The following NKIRAS2 variants were observed in gnomAD, a reference collection of about 807,000 sequenced individuals.
NKIRAS2 encodes the protein NF-kappa-B inhibitor-interacting Ras-like protein 2.
NKIRAS2 carries 15 observed loss-of-function variants against 20.7 expected under a neutral mutation model. That is an observed-to-expected ratio of 0.73 (90% confidence interval 0.49 to 1.12). The LOEUF is 1.12. Among genes scored for constraint, NKIRAS2 ranks in the 50% most tolerant of loss-of-function variants. The pLI, the probability that NKIRAS2 is intolerant of heterozygous loss-of-function variation, is 0.00. For missense variants in NKIRAS2, 196 were observed against 249.6 expected (o/e 0.79, Z 1.45); for synonymous variants, 116 against 101.4 (o/e 1.14, Z -0.87).
At chr17:42,017,774 G>T (rs2052347606), upstream of NKIRAS2, 1 of 351,954 alleles carries the variant, frequency 2.8e-6, no homozygotes, top group South Asian at 2.8e-5. Context: ...AAGGCTCCGT[G>T]GAGTCTGGGT....
chr17:42,021,453 T>C (rs2052447343), intron 1 of NKIRAS2, 111 bp from the exon 2 acceptor site: 1 of 817,198 alleles, frequency 1.2e-6, no homozygotes. Flanking sequence ...ACGTTCTGCC[T>C]TCTGTTTTTT....
rs1231529246 is a variant in NKIRAS2, at chr17:42,024,550, A to G, written c.*657A>G. On this transcript the variant is annotated 3_prime_UTR_variant, in exon 4 of 4. Coordinates refer to ENST00000393885, the MANE Select transcript of NKIRAS2 (RefSeq NM_017595.6). ...CACTTTGGGAGGCCAAGGCGGGTCG[A>G]TTACTTGAGGTCAGGAGTTCACGAC... The G allele has an allele frequency of 6.6e-6, 1 of 152,510 alleles. No homozygotes were observed. The highest frequency in any genetic ancestry group is 2.4e-5 in the African/African-American group (1 of 41,384). The allele number at this position is 152,510 out of a possible 1,614,324, so 9.4% of individuals were successfully genotyped here. A position where few individuals can be genotyped will look rare whatever the true frequency, so the allele number is the denominator to read the frequency against.
At chr17:42,019,233 A>G (rs2052385489), upstream of NKIRAS2, among the ~76,000 whole-genome samples, 1 of 152,178 alleles carries the variant, frequency 6.6e-6, no homozygotes, top group Non-Finnish European at 1.5e-5. Flanking sequence ...TGATCACACC[A>G]ATGTACTCCA....
intron 1 of NKIRAS2, chr17:42,020,935 C>T (rs1177498259): frequency 6.5e-6 from 1 of 152,816 alleles, no homozygotes; most frequent in Non-Finnish European, 1.5e-5. Context: ...TGAGGTTTCA[C>T]TATGTTGGCC....
intron 3 of NKIRAS2, chr17:42,023,246 GC>G (rs1344057803): frequency 1.8e-5 from 4 of 228,566 alleles, no homozygotes; most frequent in African/African-American, 9.3e-5. Flanking sequence ...CAGTCCACCT[GC>G]CTCAGCCTCC....
rs914638622 is a variant in NKIRAS2 at position 42,024,194 on chromosome 17, C to G, written c.*301C>G. ...CCTTCCAGCTGCCCCAGACAGGAAG[C>G]AGAGTCACCACGCAGCAGTGTCCCT... On this transcript the variant is annotated 3_prime_UTR_variant, in exon 4 of 4. Transcript: ENST00000393885. 2.3e-5 allele frequency: 9 copies of G among 393,260 alleles called. No individual in the cohort carries two copies. In the East Asian group the frequency reaches 5.2e-4, roughly 23 times the overall value. The allele number at this position is 393,260 out of a possible 1,614,324, so 24.4% of individuals were successfully genotyped here.
rs1555653697 is a variant in NKIRAS2, at chr17:42,023,940, G to T, written c.*47G>T. On this transcript the variant is annotated 3_prime_UTR_variant, in exon 4 of 4. Transcript: ENST00000393885. Reference sequence around the variant, plus strand: ...CGATCCCAGCCCCATTTCAGTGTCTGGGGCTCTGGTAGATGTGTTGAGGGC... The same window carrying T: ...CGATCCCAGCCCCATTTCAGTGTCTTGGGCTCTGGTAGATGTGTTGAGGGC... The T allele has an allele frequency of 6.2e-7, 1 of 1,600,256 alleles. No homozygotes were observed. Among genetic ancestry groups the T allele is most frequent in the Non-Finnish European group, 8.5e-7 (1 of 1,172,598 alleles).
At chr17:42,018,554 T>C (rs575390393), upstream of NKIRAS2, 2 of 152,106 alleles carry the variant, frequency 1.3e-5, no homozygotes, top group South Asian at 4.2e-4. Context: ...GCTCACTAGG[T>C]TGGAAAGGAG....
chr17:42,018,780 T>C (rs1317042328), upstream of NKIRAS2, among the ~76,000 whole-genome samples: 2 of 152,212 alleles, frequency 1.3e-5, no homozygotes, highest in Non-Finnish European at 2.9e-5. Context: ...TTGATGACTC[T>C]CAACTTTTCA....
Position 42,023,898 on chromosome 17 carries a change from C to T in NKIRAS2, c.*5C>T. On this transcript the variant is annotated 3_prime_UTR_variant, in exon 4 of 4. Transcript: ENST00000393885. ...AGCGGCTCCTTGGATGGCTGAAGAG[C>T]TGCCGTTCCTCTTTCACGATCCCAG... is the stretch of plus-strand genomic sequence containing the variant. 6.2e-7 allele frequency: 1 copy of T among 1,613,446 alleles called. No homozygotes were observed. The highest frequency in any genetic ancestry group is 8.5e-7 in the Non-Finnish European group (1 of 1,179,568).
intron 2 of NKIRAS2, chr17:42,021,874 C>G (rs781988528): frequency 2.7e-6 from 2 of 740,458 alleles, no homozygotes; most frequent in Non-Finnish European, 5.0e-6. Context: ...GAAAGAGAAG[C>G]TGTCATGTCA....
At chr17:42,022,377 C>G in intron 2 of NKIRAS2, 22 bp from the exon 3 acceptor site, 1 of 1,554,238 alleles carries the variant, frequency 6.4e-7, no homozygotes, top group African/African-American at 1.4e-5. Flanking sequence ...CCACTTCAGA[C>G]AGTTTTCTCA....
intron 2 of NKIRAS2, 53 bp downstream of exon 2, chr17:42,021,724 T>A: frequency 2.7e-6 from 4 of 1,499,404 alleles, no homozygotes; most frequent in Non-Finnish European, 3.7e-6. Flanking sequence ...AAATAAGGAA[T>A]AGGACTTGAT....
Position 42,023,916 on chromosome 17 carries a change from G to C in NKIRAS2, c.*23G>C. On this transcript the variant is annotated 3_prime_UTR_variant, in exon 4 of 4. Transcript: ENST00000393885. The stretch of plus-strand genomic sequence containing the variant: ...TGAAGAGCTGCCGTTCCTCTTTCAC[G>C]ATCCCAGCCCCATTTCAGTGTCTGG... The C allele has an allele frequency of 6.2e-7, 1 of 1,611,216 alleles. No individual in the cohort carries two copies. Among genetic ancestry groups the C allele is most frequent in the Non-Finnish European group, 8.5e-7 (1 of 1,178,362 alleles).
chr17:42,020,666 T>C (rs1202724543), intron 1 of NKIRAS2: 1 of 152,240 alleles, frequency 6.6e-6, no homozygotes, highest in Non-Finnish European at 1.5e-5. Context: ...TTGTCTTATG[T>C]TCATTTTAGC....
chr17:42,023,563 C>T (rs974500388), intron 3 of NKIRAS2, 91 bp from the exon 4 acceptor site: 3 of 1,171,898 alleles, frequency 2.6e-6, no homozygotes, highest in African/African-American at 1.5e-5. Context: ...GAGCTTTCCT[C>T]TCATAGAACT....
chr17:42,022,540 CT>C lies in NKIRAS2; in HGVS notation c.237del (p.Asp80MetfsTer51). 2 of 1,614,150 alleles carry C rather than the reference CT, an allele frequency of 1.2e-6. No homozygotes were observed. The highest frequency in any genetic ancestry group is 1.7e-6 in the Non-Finnish European group (2 of 1,180,012). ...AELPRHCFSC[T>X]DGYVLVYSTD... ...CTGCCCCGACACTGCTTCTCTTGCA[CT>C]GATGGCTACGTCCTGGTCTATAGCA... On this transcript the variant is annotated frameshift_variant, in exon 3 of 4. Transcript: ENST00000393885. LOFTEE classifies it high-confidence loss of function.
chr17:42,021,193 A>T (rs2052438746), intron 1 of NKIRAS2: 1 of 220,028 alleles, frequency 4.5e-6, no homozygotes. Flanking sequence ...CATCTTGCGC[A>T]CAGAAGGGAA....
rs1308249233 is a variant in NKIRAS2 at position 42,025,517 on chromosome 17, C to G, written c.*1624C>G. ...ACCGACACACGCCCCTTCTCAAAGC[C>G]AGAGGTGAGTGGGGCAGGTGCCCGG... is the stretch of plus-strand genomic sequence containing the variant. On this transcript the variant is annotated 3_prime_UTR_variant, in exon 4 of 4. Coordinates refer to ENST00000393885, the MANE Select transcript of NKIRAS2 (RefSeq NM_017595.6). 1 of 152,576 alleles carries G rather than the reference C, an allele frequency of 6.6e-6. No homozygotes were observed. The highest frequency in any genetic ancestry group is 1.5e-5 in the Non-Finnish European group (1 of 68,056). 9.5% of individuals were successfully genotyped at this position (152,576 alleles called of 1,614,324 possible). A position where few individuals can be genotyped will look rare whatever the true frequency, so the allele number is the denominator to read the frequency against.
Sources: gnomAD v4.1 joint callset for allele counts (sites outside exome capture counted in the v4.1 genomes callset) on GRCh38, gnomAD v4.1.1 for gene constraint, MANE v1.5 for transcripts, NCBI Gene and HGNC (gene_info 2026-07-23, HGNC 2026-07-21) for gene names.